Variants in SEMA3A observed in about 807,000 individuals in gnomAD.
The protein encoded by SEMA3A is semaphorin-3A.
SEMA3A carries 29 observed loss-of-function variants against 97.9 expected under a neutral mutation model. The observed-to-expected ratio is 0.30, with a 90% CI of 0.22 to 0.40. The LOEUF (loss-of-function observed/expected upper bound fraction) is 0.40, where lower values mean the gene tolerates loss of function less well. Ranked by LOEUF, SEMA3A falls within the 10% of genes least tolerant of loss-of-function variation. The probability of loss-of-function intolerance (pLI) is 1.00; values close to 1 mark genes in which losing one functional copy is unlikely to be tolerated. For synonymous variants in SEMA3A, 321 were observed against 323.7 expected (o/e 0.99, Z 0.09); for missense variants, 763 against 951.3 (o/e 0.80, Z 2.60).
chr7:84,160,998 G>T (rs1460309914), intron 1 of SEMA3A, among the ~76,000 whole-genome samples: 1 of 152,128 alleles, frequency 6.6e-6, no homozygotes, highest in African/African-American at 2.4e-5. Flanking sequence ...AGCCTCAACA[G>T]GCATGGTCAC....
chr7:84,131,953 C>T (rs1462447946), intron 2 of SEMA3A, among the ~76,000 whole-genome samples: 1 of 152,064 alleles, frequency 6.6e-6, no homozygotes, highest in Admixed American at 6.5e-5. Flanking sequence ...CCATGCCCAG[C>T]TTATCTGTGT....
At chr7:84,042,284 A>G (rs919038936) in intron 6 of SEMA3A, among the ~76,000 whole-genome samples, 1 of 152,076 alleles carries the variant, frequency 6.6e-6, no homozygotes, top group African/African-American at 2.4e-5. Context: ...AAAAAGAGCA[A>G]GTGAGTTAGT....
rs1259986634 is a variant in SEMA3A at position 84,357,775 on chromosome 7, C to A, written c.-169+14049G>T. Among the ~76,000 whole-genome samples the A allele has an allele frequency of 2.0e-5, 3 of 151,918 alleles. No individual in the cohort carries two copies. The East Asian group carries it at 5.8e-4, about 30-fold the overall frequency. On this transcript the variant is annotated intron_variant, in intron 2 of 3. Coordinates refer to the SEMA3A transcript ENST00000424555. The stretch of plus-strand genomic sequence containing the variant: ...CAACAGTGTAAAAGTGATCGTATTT[C>A]TCCACATCCTCTCCAGCACCTGTTG...
chr7:84,446,752 T>A (rs926505301), intron 1 of SEMA3A, among the ~76,000 whole-genome samples: 6 of 152,198 alleles, frequency 3.9e-5, no homozygotes, highest in Non-Finnish European at 8.8e-5. Context: ...AAGGCTAAGA[T>A]ATCTGCTTGC....
chr7:84,148,044 G>T (rs1363030778), intron 1 of SEMA3A, among the ~76,000 whole-genome samples: 1 of 151,808 alleles, frequency 6.6e-6, no homozygotes, highest in Non-Finnish European at 1.5e-5. Flanking sequence ...TGAGTAGCTG[G>T]TATTACAGGC....
At chr7:84,173,717 G>T (rs1307703832) in intron 1 of SEMA3A, among the ~76,000 whole-genome samples, 1 of 152,118 alleles carries the variant, frequency 6.6e-6, no homozygotes, top group Non-Finnish European at 1.5e-5. Flanking sequence ...ACACCAAGTG[G>T]TAGAGCAAGG....
chr7:84,128,129 A>G (rs1040327218), intron 3 of SEMA3A, among the ~76,000 whole-genome samples: 2 of 152,132 alleles, frequency 1.3e-5, no homozygotes, highest in Admixed American at 6.6e-5. Flanking sequence ...CTATCTTTTT[A>G]CAATGCTAAA....
intron 1 of SEMA3A, among the ~76,000 whole-genome samples, chr7:84,158,695 A>C (rs1162308339): frequency 6.6e-6 from 1 of 152,170 alleles, no homozygotes; most frequent in Non-Finnish European, 1.5e-5. Flanking sequence ...AGTGCCTGGC[A>C]CACTGTCAGT....
Position 84,488,482 on chromosome 7 carries a change from T to G in SEMA3A, c.-246+3978A>C, listed in dbSNP as rs577592545. On this transcript the variant is annotated intron_variant, in intron 1 of 3. Coordinates refer to the SEMA3A transcript ENST00000424555. ...TTTGAAAGTGGTTGACAGCTCATTT[T>G]TTTTTTCACTGCTTTGCAGGCGGGA... Among the ~76,000 whole-genome samples the G allele has an allele frequency of 2.6e-4, 39 of 152,280 alleles. No individual in the cohort carries two copies. In the East Asian group the frequency reaches 6.6e-3, roughly 26 times the overall value.
chr7:84,306,867 T>C (rs528312942), intron 3 of SEMA3A, among the ~76,000 whole-genome samples: 50 of 152,212 alleles, frequency 3.3e-4, no homozygotes, highest in Admixed American at 3.0e-3. Context: ...GATAGCAATA[T>C]GCTCACATTC....
At chr7:84,281,029 T>G (rs2115742462) in intron 3 of SEMA3A, among the ~76,000 whole-genome samples, 1 of 152,310 alleles carries the variant, frequency 6.6e-6, no homozygotes, top group South Asian at 2.1e-4. Context: ...CCACCTCCTT[T>G]ACTTTTGTTA....
At chr7:84,459,627 A>G (rs1318570201) in intron 1 of SEMA3A, among the ~76,000 whole-genome samples, 1 of 152,224 alleles carries the variant, frequency 6.6e-6, no homozygotes. Flanking sequence ...TTGACAGCCT[A>G]AAAAGTGATT....
At chr7:83,990,666 C>G (rs1006580897) in intron 12 of SEMA3A, among the ~76,000 whole-genome samples, 3 of 141,388 alleles carry the variant, frequency 2.1e-5, no homozygotes, top group Non-Finnish European at 3.1e-5. Context: ...CTGTTCTGTT[C>G]CATTGATCTA....
chr7:84,190,736 T>TAC (rs1386151993), intron 1 of SEMA3A, among the ~76,000 whole-genome samples: 1 of 147,670 alleles, frequency 6.8e-6, no homozygotes, highest in East Asian at 1.9e-4. Flanking sequence ...ATAATATATA[T>TAC]ACACACACAC....
chr7:83,967,678 C>T (rs1353639404), intron 15 of SEMA3A, among the ~76,000 whole-genome samples: 1 of 152,106 alleles, frequency 6.6e-6, no homozygotes, highest in Non-Finnish European at 1.5e-5. Context: ...GCGCTTGAAT[C>T]TGGGAAGCGG....
intron 4 of SEMA3A, among the ~76,000 whole-genome samples, chr7:84,062,719 A>C (rs980052317): frequency 6.6e-6 from 1 of 152,216 alleles, no homozygotes; most frequent in African/African-American, 2.4e-5. Flanking sequence ...GGCGGGCTTA[A>C]AAAACGGCGC....
At chr7:84,403,458 C>T (rs1476174319) in intron 1 of SEMA3A, among the ~76,000 whole-genome samples, 2 of 152,198 alleles carry the variant, frequency 1.3e-5, no homozygotes, top group Non-Finnish European at 2.9e-5. Flanking sequence ...CTGTAGGCTC[C>T]ACCTCTGGGG....
At chr7:84,395,561 A>AG (rs1274213679) in intron 1 of SEMA3A, among the ~76,000 whole-genome samples, 6 of 151,752 alleles carry the variant, frequency 4.0e-5, no homozygotes, top group Admixed American at 1.3e-4. Flanking sequence ...CCACATGTCA[A>AG]GGGGGGGACC....
chr7:84,374,143 T>C lies in SEMA3A; in HGVS notation c.-245-2243A>G, dbSNP rs547177243. 3.3e-5 allele frequency among the ~76,000 whole-genome samples: 5 copies of C among 152,340 alleles called. No homozygotes were observed. In the South Asian group the frequency reaches 1.0e-3, roughly 32 times the overall value. ...AATAGAGAATGAAACTCATGCAAACTTTAAGACACTGCATGTCAATGAGAA... is the reference window on the plus strand; with the variant it reads ...AATAGAGAATGAAACTCATGCAAACCTTAAGACACTGCATGTCAATGAGAA... On this transcript the variant is annotated intron_variant, in intron 1 of 3. Coordinates refer to the SEMA3A transcript ENST00000424555.
Sources: gnomAD v4.1 joint callset for allele counts (sites outside exome capture counted in the v4.1 genomes callset) on GRCh38, gnomAD v4.1.1 for gene constraint, MANE v1.5 for transcripts, NCBI Gene and HGNC (gene_info 2026-07-23, HGNC 2026-07-21) for gene names.